The following PLG variants were observed in gnomAD, a reference collection of about 807,000 sequenced individuals.
PLG encodes the protein plasmin.
PLG carries 41 observed loss-of-function variants against 104.4 expected under a neutral mutation model. The observed-to-expected ratio is 0.39, with a 90% CI of 0.31 to 0.51. PLG has a LOEUF of 0.51. Ranked by LOEUF, PLG falls within the 20% of genes least tolerant of loss-of-function variation. The probability of loss-of-function intolerance (pLI) is 0.76; values close to 1 mark genes in which losing one functional copy is unlikely to be tolerated. For missense variants in PLG, 891 were observed against 1,003.6 expected (o/e 0.89, Z 1.52); for synonymous variants, 337 against 357.1 (o/e 0.94, Z 0.63).
At chr6:160,718,484 G>A (rs775650090) in intron 8 of PLG, 28 bp downstream of exon 8, 4 of 1,569,310 alleles carry the variant, frequency 2.5e-6, no homozygotes, top group Admixed American at 1.7e-5. Flanking sequence ...TCATTCTGCT[G>A]CTATGGAATG....
Position 160,739,305 on chromosome 6 carries a change from G to T in PLG, c.2018+97G>T, listed in dbSNP as rs577963673. On this transcript the variant is annotated intron_variant, in intron 16 of 18. Transcript: ENST00000308192. The surrounding 1 kb of genome is among the most constrained non-coding windows in gnomAD (Gnocchi z 4.4). ...ATGGCCACTGCATGGCAGTGGGGAGGAACTGTCTATCACATGAAAGGCTCA... is the reference window on the plus strand; with the variant it reads ...ATGGCCACTGCATGGCAGTGGGGAGTAACTGTCTATCACATGAAAGGCTCA... 2.3e-5 allele frequency: 35 copies of T among 1,506,604 alleles called. No individual in the cohort carries two copies. The East Asian group carries it at 7.2e-4, about 31-fold the overall frequency. The allele number at this position is 1,506,604 out of a possible 1,614,324, so 93.3% of individuals were successfully genotyped here. A position where few individuals can be genotyped will look rare whatever the true frequency, so the allele number is the denominator to read the frequency against.
chr6:160,716,549 T>TAGCACACAGCAGGTGCC, intron 6 of PLG, 96 bp from the exon 7 acceptor site: 1 of 809,226 alleles, frequency 1.2e-6, no homozygotes, highest in Non-Finnish European at 2.2e-6. Flanking sequence ...CGACTGTGCC[T>TAGCACACAGCAGGTGCC]AGCACACAGC....
At position 160,713,117 on chromosome 6, in the gene PLG, A is replaced by G. The variant is rs769663919; in HGVS notation, c.539A>G (p.Glu180Gly). The G allele has an allele frequency of 6.2e-7, 1 of 1,610,320 alleles. No individual in the cohort carries two copies. Among genetic ancestry groups the G allele is most frequent in the East Asian group, 2.2e-5 (1 of 44,878 alleles). Residue 180 changes from glutamate (E) to glycine (G), a missense_variant, in exon 5 of 19, where the codon GAG becomes GGG. Glu to Gly is a moderately conservative substitution (Grantham distance 98). Transcript: ENST00000308192. ...AGATATGACTACTGCGACATTCTTG[A>G]GTGTGAAGGTCAGGAGTGGTTCTAG... Reference protein sequence around the residue: ...EKRYDYCDILECEEECMHCSG... With the variant: ...EKRYDYCDILGCEEECMHCSG...
intron 17 of PLG, among the ~76,000 whole-genome samples, chr6:160,748,440 G>GAGAAAGAAAGA (rs1778331521): frequency 1.4e-5 from 1 of 69,428 alleles, no homozygotes; most frequent in Non-Finnish European, 2.8e-5. Context: ...ACGAAAGAAA[G>GAGAAAGAAAGA]AAGGGAGGGA....
In PLG at chr6:160,738,292, G is replaced by A. The variant is rs945396036; in HGVS notation, c.1803-246G>A. 1.4e-5 allele frequency: 7 copies of A among 513,036 alleles called. No individual in the cohort carries two copies. The highest frequency in any genetic ancestry group is 7.8e-5 in the South Asian group (4 of 51,600). 31.8% of individuals were successfully genotyped at this position (513,036 alleles called of 1,614,324 possible). On this transcript the variant is annotated intron_variant, in intron 14 of 18. Coordinates refer to ENST00000308192, the MANE Select transcript of PLG (RefSeq NM_000301.5). This position sits in a 1 kb window ranked among gnomAD's most constrained non-coding sequence, Gnocchi z 6.8. ...CGGAGTTACTTAGCTTTGCTCTCCT[G>A]TGGACAGGCCATGCCTGTGCCTCCC...
intron 1 of PLG, among the ~76,000 whole-genome samples, chr6:160,704,303 T>A (rs534452768): frequency 5.9e-5 from 9 of 152,340 alleles, no homozygotes; most frequent in African/African-American, 1.9e-4. Flanking sequence ...CCTAGGGACA[T>A]GAGCTGGGGA....
chr6:160,751,119 C>T (rs1022308685), intron 17 of PLG, among the ~76,000 whole-genome samples: 4 of 152,206 alleles, frequency 2.6e-5, no homozygotes, highest in Admixed American at 2.6e-4. Context: ...TGGCACGGTA[C>T]ACTGTCACAC....
In PLG at chr6:160,732,803, T is replaced by G. The variant is rs1778020235; in HGVS notation, c.1587+910T>G. Among the ~76,000 whole-genome samples, 1 of 152,166 alleles carries G rather than the reference T, an allele frequency of 6.6e-6. No homozygotes were observed. The highest frequency in any genetic ancestry group is 1.5e-5 in the Non-Finnish European group (1 of 68,022). On this transcript the variant is annotated intron_variant, in intron 12 of 18. Coordinates refer to ENST00000308192, the MANE Select transcript of PLG (RefSeq NM_000301.5). This position sits in a 1 kb window ranked among gnomAD's most constrained non-coding sequence, Gnocchi z 4.5. Reference sequence around the variant, plus strand: ...TGTGAGAAGGGGCTCAGAGTTTCCATGCCCTCTCCAGTGCACCAGCCCCCG... The same window carrying G: ...TGTGAGAAGGGGCTCAGAGTTTCCAGGCCCTCTCCAGTGCACCAGCCCCCG...
In PLG at chr6:160,724,634, C is replaced by T. The variant is rs1777896391; in HGVS notation, c.1256+2067C>T. 6.6e-6 allele frequency among the ~76,000 whole-genome samples: 1 copy of T among 152,044 alleles called. No individual in the cohort carries two copies. Among genetic ancestry groups the T allele is most frequent in the Admixed American group, 6.5e-5 (1 of 15,270 alleles). ...AGAATAGTGGTAAAAATGACTGATGCCTTCTCGTCAGAAACTATGCTGGTC... is the reference window on the plus strand; with the variant it reads ...AGAATAGTGGTAAAAATGACTGATGTCTTCTCGTCAGAAACTATGCTGGTC... On this transcript the variant is annotated intron_variant, in intron 10 of 18. Transcript: ENST00000308192. The surrounding 1 kb of genome is among the most constrained non-coding windows in gnomAD (Gnocchi z 5.0).
At chr6:160,749,792 TA>T (rs1369398383) in intron 17 of PLG, among the ~76,000 whole-genome samples, 5 of 149,718 alleles carry the variant, frequency 3.3e-5, no homozygotes, top group African/African-American at 1.2e-4. Flanking sequence ...TGATCATTAC[TA>T]CCCACCACCA....
chr6:160,706,181 C>T, intron 1 of PLG: 1 of 590,518 alleles, frequency 1.7e-6, no homozygotes, highest in Non-Finnish European at 3.0e-6. Flanking sequence ...TCTCTCCCTT[C>T]TCTGGTAGTC....
At chr6:160,721,379 T>C (rs995370803) in intron 9 of PLG, among the ~76,000 whole-genome samples, 59 of 152,238 alleles carry the variant, frequency 3.9e-4, no homozygotes, top group Admixed American at 3.3e-3. Context: ...GTCTTGCAAA[T>C]ATATATCGTG....
At position 160,736,278 on chromosome 6, in the gene PLG, C is replaced by T. The variant is rs4252193; in HGVS notation, c.1682-609C>T. 7.5e-3 allele frequency among the ~76,000 whole-genome samples: 1,149 copies of T among 152,222 alleles called. 6 individuals carry two copies. Among genetic ancestry groups the T allele is most frequent in the Non-Finnish European group, 0.013 (918 of 68,018 alleles). Reference sequence around the variant, plus strand: ...AAGTCATATGTTTAAGTCACCCCCACGGCCGTTGGTTAGTCATGGGAGGCT... The same window carrying T: ...AAGTCATATGTTTAAGTCACCCCCATGGCCGTTGGTTAGTCATGGGAGGCT... On this transcript the variant is annotated intron_variant, in intron 13 of 18. Coordinates refer to ENST00000308192, the MANE Select transcript of PLG (RefSeq NM_000301.5). This position sits in a 1 kb window ranked among gnomAD's most constrained non-coding sequence, Gnocchi z 5.2.
At position 160,726,085 on chromosome 6, in the gene PLG, A is replaced by T. The variant is rs1777916105; in HGVS notation, c.1256+3518A>T. On this transcript the variant is annotated intron_variant, in intron 10 of 18. Coordinates refer to ENST00000308192, the MANE Select transcript of PLG (RefSeq NM_000301.5). The surrounding 1 kb of genome is among the most constrained non-coding windows in gnomAD (Gnocchi z 4.4). ...AAAAATACACAAAAAAATCAGAAAG[A>T]ATATATATGTTTTAAAGGAAATTGT... 6.6e-6 allele frequency among the ~76,000 whole-genome samples: 1 copy of T among 152,110 alleles called. No individual in the cohort carries two copies. Among genetic ancestry groups the T allele is most frequent in the South Asian group, 2.1e-4 (1 of 4,832 alleles).
At position 160,722,390 on chromosome 6, in the gene PLG, C is replaced by T. The variant is rs750126916; in HGVS notation, c.1097-18C>T. 1 of 1,599,296 alleles carries T rather than the reference C, an allele frequency of 6.3e-7. No individual in the cohort carries two copies. Among genetic ancestry groups the T allele is most frequent in the African/African-American group, 1.3e-5 (1 of 74,462 alleles). Reference sequence around the variant, plus strand: ...TTTCAGTAATTGTTAAGCTTGATTTCTTTTATTTTAATTTCAGCACCACCT... The same window carrying T: ...TTTCAGTAATTGTTAAGCTTGATTTTTTTTATTTTAATTTCAGCACCACCT... On this transcript the variant is annotated intron_variant, in intron 9 of 18. Coordinates refer to ENST00000308192, the MANE Select transcript of PLG (RefSeq NM_000301.5).
At chr6:160,710,826 C>T (rs529998679) in intron 3 of PLG, among the ~76,000 whole-genome samples, 1 of 152,328 alleles carries the variant, frequency 6.6e-6, no homozygotes, top group African/African-American at 2.4e-5. Flanking sequence ...TCTGGCTGCA[C>T]TGTGCCCCGT....
chr6:160,719,378 CTCTT>C lies in PLG; in HGVS notation c.1096+542_1096+545del, dbSNP rs1467217331. ...ATTTCTTCTTCTGAAGTTCTGAACT[CTCTT>C]TATGGTGATATAAATACAGTCTCAC... On this transcript the variant is annotated intron_variant, in intron 9 of 18. Coordinates refer to ENST00000308192, the MANE Select transcript of PLG (RefSeq NM_000301.5). The surrounding 1 kb of genome is among the most constrained non-coding windows in gnomAD (Gnocchi z 4.1). Among the ~76,000 whole-genome samples, 1 of 152,178 alleles carries C rather than the reference CTCTT, an allele frequency of 6.6e-6. No individual in the cohort carries two copies. Among genetic ancestry groups the C allele is most frequent in the Admixed American group, 6.5e-5 (1 of 15,276 alleles).
chr6:160,731,256 C>T lies in PLG; in HGVS notation c.1438+24C>T. 6.3e-7 allele frequency: 1 copy of T among 1,593,530 alleles called. No homozygotes were observed. The highest frequency in any genetic ancestry group is 1.3e-5 in the African/African-American group (1 of 74,580). ...AGGTAAGAAATCTGTGGCTGGACAT[C>T]TACACACTTGGACGCTGGGATGAAA... is the stretch of plus-strand genomic sequence containing the variant. On this transcript the variant is annotated intron_variant, in intron 11 of 18. Transcript: ENST00000308192. This position sits in a 1 kb window ranked among gnomAD's most constrained non-coding sequence, Gnocchi z 5.1.
At chr6:160,718,919 A>T (rs1392500147) in intron 9 of PLG, 81 bp downstream of exon 9, 1 of 1,220,934 alleles carries the variant, frequency 8.2e-7, no homozygotes, top group Non-Finnish European at 1.2e-6. Context: ...CACAATATAC[A>T]GTAGCTTTGT....
Sources: allele counts gnomAD v4.1 joint callset (sites outside exome capture counted in the v4.1 genomes callset), GRCh38; gene constraint gnomAD v4.1.1; non-coding constraint Gnocchi (gnomAD v3.1); transcripts MANE v1.5; gene names NCBI Gene and HGNC (gene_info 2026-07-23, HGNC 2026-07-21).